The following GSR variants were observed in gnomAD, a reference collection of about 807,000 sequenced individuals.
GSR encodes the protein glutathione reductase, mitochondrial.
In GSR, 48 loss-of-function variants were observed where a neutral mutation model predicts 56.5. The observed-to-expected ratio is 0.85, with a 90% CI of 0.67 to 1.08. The LOEUF (loss-of-function observed/expected upper bound fraction) is 1.08. Ranked by LOEUF, GSR falls within the 50% of genes least tolerant of loss-of-function variation. The pLI is 0.00. For missense variants in GSR, 694 were observed against 703.3 expected (o/e 0.99, Z 0.15); for synonymous variants, 264 against 270.8 (o/e 0.97, Z 0.25).
At position 30,694,573 on chromosome 8, in the gene GSR, A is replaced by G. The variant is rs181824097; in HGVS notation, c.796-1518T>C. Among the ~76,000 whole-genome samples the G allele has an allele frequency of 3.4e-4, 52 of 151,838 alleles. No homozygotes were observed. The East Asian group carries it at 6.4e-3, about 19-fold the overall frequency. Reference sequence around the variant, plus strand: ...ACTTGGGAGGCTGAGGCAGGAGGATAGCTTGAGGCCAGGAGTTCGAGACCA... The same window carrying G: ...ACTTGGGAGGCTGAGGCAGGAGGATGGCTTGAGGCCAGGAGTTCGAGACCA... On this transcript the variant is annotated intron_variant, in intron 7 of 12. Transcript: ENST00000221130.
chr8:30,724,466 A>G (rs1804657046), intron 1 of GSR, among the ~76,000 whole-genome samples: 1 of 150,700 alleles, frequency 6.6e-6, no homozygotes, highest in Non-Finnish European at 1.5e-5. Context: ...ATTACACAAC[A>G]TATCCCGTTT....
At chr8:30,714,857 TAA>T (rs1804274813) in intron 1 of GSR, among the ~76,000 whole-genome samples, 2 of 152,202 alleles carry the variant, frequency 1.3e-5, no homozygotes, top group African/African-American at 2.4e-5. Flanking sequence ...GAAAACAGTT[TAA>T]TGATCACTCA....
At chr8:30,702,893 G>A (rs577248000) in intron 5 of GSR, among the ~76,000 whole-genome samples, 200 bp downstream of exon 5, 17 of 152,294 alleles carry the variant, frequency 1.1e-4, no homozygotes, top group African/African-American at 3.4e-4. Context: ...AGCCAAGATC[G>A]TGCCACTGCA....
intron 1 of GSR, among the ~76,000 whole-genome samples, chr8:30,717,281 TCTTA>T (rs1214393520): frequency 1.4e-5 from 2 of 142,438 alleles, no homozygotes; most frequent in Non-Finnish European, 3.1e-5. Context: ...AGAGACAGGG[TCTTA>T]CTATGTTGCG....
At chr8:30,705,168 A>G (rs1803880437) in intron 4 of GSR, among the ~76,000 whole-genome samples, 1 of 151,892 alleles carries the variant, frequency 6.6e-6, no homozygotes, top group Admixed American at 6.6e-5. Flanking sequence ...GTTTATGCCT[A>G]TAATTCCCAT....
At chr8:30,684,991 A>C (rs1218245977) in intron 9 of GSR, among the ~76,000 whole-genome samples, 1 of 147,074 alleles carries the variant, frequency 6.8e-6, no homozygotes, top group Non-Finnish European at 1.5e-5. Context: ...ATTTATTGAG[A>C]TGGAGTCTCG....
At chr8:30,686,898 G>A (rs917808998) in intron 9 of GSR, among the ~76,000 whole-genome samples, 6 of 151,248 alleles carry the variant, frequency 4.0e-5, no homozygotes, top group Non-Finnish European at 7.4e-5. Flanking sequence ...GTGCAATGGC[G>A]TGATCTCGGC....
At chr8:30,703,502 T>A (rs189601390) in intron 4 of GSR, among the ~76,000 whole-genome samples, 140 of 152,208 alleles carry the variant, frequency 9.2e-4, no homozygotes, top group African/African-American at 3.1e-3. Flanking sequence ...ATCCTAGCAC[T>A]TTGGGAGGCA....
chr8:30,701,471 C>T (rs1265089055), intron 5 of GSR, among the ~76,000 whole-genome samples: 3 of 145,672 alleles, frequency 2.1e-5, no homozygotes, highest in African/African-American at 7.6e-5. Context: ...TGTCTCTGAA[C>T]AAACAAACAA....
chr8:30,694,640 A>C (rs370785162), intron 7 of GSR, among the ~76,000 whole-genome samples: 9 of 151,760 alleles, frequency 5.9e-5, no homozygotes, highest in African/African-American at 2.2e-4. Flanking sequence ...AAAATATATA[A>C]AAAGTAGTCA....
intron 12 of GSR, 67 bp downstream of exon 12, chr8:30,680,837 C>G (rs189091172): frequency 2.1e-6 from 3 of 1,450,100 alleles, no homozygotes; most frequent in African/African-American, 2.8e-5. Flanking sequence ...CCTTTCCACC[C>G]CTGCAAAATA....
chr8:30,717,762 CA>C (rs112001059), intron 1 of GSR, among the ~76,000 whole-genome samples: 10,598 of 152,102 alleles, frequency 0.07, 1,103 homozygotes, highest in African/African-American at 0.23. Context: ...ATAATTATTT[CA>C]TTATATATTA....
Position 30,684,086 on chromosome 8 carries a change from A to G in GSR, c.1153+2T>C. On this transcript the variant is annotated splice_donor_variant, in intron 10 of 12. Transcript: ENST00000221130. LOFTEE classifies it high-confidence loss of function. ...CCTCACCAAGAAGGGAAGAGACCTT[A>G]CCTGGAGTAAGAAGAGCTTTTCCAC... 1 of 1,458,924 alleles carries G rather than the reference A, an allele frequency of 6.9e-7. No homozygotes were observed. Among genetic ancestry groups the G allele is most frequent in the Non-Finnish European group, 9.6e-7 (1 of 1,038,308 alleles). The allele number at this position is 1,458,924 out of a possible 1,614,324, so 90.4% of individuals were successfully genotyped here.
chr8:30,689,905 T>C (rs1803309359), intron 8 of GSR, among the ~76,000 whole-genome samples: 1 of 142,784 alleles, frequency 7.0e-6, no homozygotes, highest in East Asian at 2.0e-4. Context: ...ATATTTTTAT[T>C]AAATATATGT....
At chr8:30,727,392 G>A (rs1804768223) in intron 1 of GSR, 138 bp downstream of exon 1, 4 of 851,928 alleles carry the variant, frequency 4.7e-6, no homozygotes, top group Admixed American at 4.9e-5. Context: ...CCTGGCTTCG[G>A]AATGGGGAGT....
At position 30,679,571 on chromosome 8, in the gene GSR, G is replaced by A. The variant is rs1242332989; in HGVS notation, c.1518C>T (p.Asn506=). The stretch of plus-strand genomic sequence containing the variant: ...AAGAGGTAGGGTGAATGGCGACTGT[G>A]TTGTCAAAGTCTGCCTTCGTTGCTC... ...KMGATKADFD[N]TVAIHPTSSE... The change falls in exon 13 of 13, where the codon AAC becomes AAT. Residue 506 remains asparagine (N), a synonymous_variant. Coordinates refer to ENST00000221130, the MANE Select transcript of GSR (RefSeq NM_000637.5). 1 of 1,614,124 alleles carries A rather than the reference G, an allele frequency of 6.2e-7. No homozygotes were observed. Among genetic ancestry groups the A allele is most frequent in the East Asian group, 2.2e-5 (1 of 44,880 alleles).
intron 1 of GSR, among the ~76,000 whole-genome samples, chr8:30,716,359 C>A (rs1804333303): frequency 6.6e-6 from 1 of 152,308 alleles, no homozygotes; most frequent in East Asian, 1.9e-4. Flanking sequence ...GGGCCTGGGG[C>A]ACTGGTTGAA....
In GSR at chr8:30,703,370, C is replaced by T. The variant is rs3779647; in HGVS notation, c.493-130G>A. ...GTTTGCTGATGCCAACACAATTCTC[C>T]GTTTTTCAAGTTTCTGTAGAACTTC... On this transcript the variant is annotated intron_variant, in intron 4 of 12. Transcript: ENST00000221130. The T allele has an allele frequency of 0.52, 465,628 of 898,928 alleles. 126,313 individuals are homozygous for T. Among genetic ancestry groups the T allele is most frequent in the Non-Finnish European group, 0.56 (308,210 of 554,054 alleles). 55.7% of individuals were successfully genotyped at this position (898,928 alleles called of 1,614,324 possible).
Position 30,680,973 on chromosome 8 carries a change from C to G in GSR, c.1350G>C (p.Met450Ile). ...VKTYSTSFTP[M>I]YHAVTKRKTK... ...TTTTCCTTTTGGTAACTGCGTGATA[C>G]ATCGGGGTAAAGCTCGTTGAATAGG... Residue 450 changes from methionine (M) to isoleucine (I), a missense_variant, in exon 12 of 13, where the codon ATG (methionine) becomes ATC (isoleucine). Transcript: ENST00000221130. 1 of 1,611,558 alleles carries G rather than the reference C, an allele frequency of 6.2e-7. No individual in the cohort carries two copies. The highest frequency in any genetic ancestry group is 1.6e-4 in the Middle Eastern group (1 of 6,062).
Sources: allele counts gnomAD v4.1 joint callset (sites outside exome capture counted in the v4.1 genomes callset), GRCh38; gene constraint gnomAD v4.1.1; transcripts MANE v1.5; gene names NCBI Gene and HGNC (gene_info 2026-07-23, HGNC 2026-07-21).